SP3: variants seen among roughly 807,000 people sequenced by gnomAD.
SP3 encodes the protein Sp3 transcription factor.
Under a neutral mutation model 70.3 loss-of-function variants are expected in SP3, and 10 were observed. The observed-to-expected ratio is 0.14, with a 90% confidence interval of 0.09 to 0.24. SP3 has a LOEUF of 0.24. SP3 is among the 10% of genes least tolerant of loss of function. The pLI, the probability that SP3 is intolerant of heterozygous loss-of-function variation, is 1.00. For missense variants in SP3, 825 were observed against 914.6 expected, an observed-to-expected ratio of 0.90 and a Z score of 1.26; for synonymous variants, 402 against 333.5, an observed-to-expected ratio of 1.21 and a Z score of -2.24.
intron 4 of SP3, among the ~76,000 whole-genome samples, chr2:173,946,289 A>G (rs1427351777): frequency 2.0e-5 from 3 of 151,878 alleles, no homozygotes; most frequent in Non-Finnish European, 1.5e-5. Flanking sequence ...GAAATTTTTT[A>G]TATTTCTAAG....
intron 4 of SP3, among the ~76,000 whole-genome samples, chr2:173,942,782 C>A (rs1193554770): frequency 2.0e-5 from 3 of 152,180 alleles, no homozygotes; most frequent in Non-Finnish European, 4.4e-5. Context: ...CCTAGCCAAA[C>A]TATCATCTTT....
chr2:173,911,798 A>C (rs960909920), intron 6 of SP3, among the ~76,000 whole-genome samples: 1 of 149,486 alleles, frequency 6.7e-6, no homozygotes, highest in Non-Finnish European at 1.5e-5. Flanking sequence ...CTGCAACGCA[A>C]AATCTTTTAT....
rs1197417708 is a variant in SP3, at chr2:173,909,278, A to G, written c.*663T>C. The G allele has an allele frequency of 6.6e-6, 1 of 152,526 alleles. No individual in the cohort carries two copies. Among genetic ancestry groups the G allele is most frequent in the African/African-American group, 2.4e-5 (1 of 41,456 alleles). 9.4% of individuals were successfully genotyped at this position (152,526 alleles called of 1,614,324 possible). On this transcript the variant is annotated 3_prime_UTR_variant, in exon 7 of 7. Transcript: ENST00000310015. ...ATTGAAAGAATATTAACAAGACATTATTTTGGCAAATTAAATCTTAAACAT... is the reference window on the plus strand; with the variant it reads ...ATTGAAAGAATATTAACAAGACATTGTTTTGGCAAATTAAATCTTAAACAT...
chr2:173,936,498 C>T (rs1165748232), intron 4 of SP3, among the ~76,000 whole-genome samples: 1 of 152,176 alleles, frequency 6.6e-6, no homozygotes, highest in Admixed American at 6.5e-5. Flanking sequence ...CATTCTCTCA[C>T]CATACTTATT....
chr2:173,944,647 T>C (rs1157961479), intron 4 of SP3, among the ~76,000 whole-genome samples: 2 of 152,224 alleles, frequency 1.3e-5, no homozygotes, highest in Admixed American at 1.3e-4. Flanking sequence ...CTGAAAAATA[T>C]ATCAACACTC....
rs764354043 is a variant in SP3, at chr2:173,955,483, T to C, written c.1029A>G (p.Ile343Met). The C allele has an allele frequency of 3.1e-6, 5 of 1,614,056 alleles. No homozygotes were observed. Among genetic ancestry groups the C allele is most frequent in the Non-Finnish European group, 4.2e-6 (5 of 1,180,030 alleles). The change falls in exon 4 of 7, where the codon ATA becomes ATG. Residue 343 changes from isoleucine to methionine, a missense_variant. By Grantham distance (10) the Ile-to-Met change is conservative. Transcript: ENST00000310015. ...TTTGTTGTAATATACCTGTACTATC[T>C]ATCGTAACAGGCAACTGTGATGAAG... ...TSSSSQLPVT[I>M]DSTGILQQNT...
Position 173,955,602 on chromosome 2 carries a change from C to T in SP3, c.910G>A (p.Asp304Asn). 1 of 1,614,066 alleles carries T rather than the reference C, an allele frequency of 6.2e-7. No individual in the cohort carries two copies. Among genetic ancestry groups the T allele is most frequent in the Non-Finnish European group, 8.5e-7 (1 of 1,180,032 alleles). The change falls in exon 4 of 7, where the codon GAT becomes AAT. Residue 304 changes from aspartate (D) to asparagine (N), a missense_variant. Coordinates refer to ENST00000310015, the MANE Select transcript of SP3 (RefSeq NM_003111.5). Reference sequence around the variant, plus strand: ...GTCCTTTCTGAATTGTCTGAACTATCCATAGCTTGTCCTGTGTTTATCAAA... The same window carrying T: ...GTCCTTTCTGAATTGTCTGAACTATTCATAGCTTGTCCTGTGTTTATCAAA... ...GHLINTGQAM[D>N]SSDNSERTGE...
chr2:173,925,413 G>C (rs1281809828), intron 4 of SP3, among the ~76,000 whole-genome samples: 1 of 152,086 alleles, frequency 6.6e-6, no homozygotes. Flanking sequence ...TTGCCAAATG[G>C]GGGAGAGATG....
rs182526366 is a variant in SP3, at chr2:173,934,332, C to T, written c.1640-15547G>A. On this transcript the variant is annotated intron_variant, in intron 4 of 6. Transcript: ENST00000310015. ...ATACCATTTTTTAAATTCATTTTGG[C>T]CATCAAGTACTTTAAATCCTCTTTA... Among the ~76,000 whole-genome samples, 66 of 151,972 alleles carry T rather than the reference C, an allele frequency of 4.3e-4. 1 individual carries two copies. The highest frequency in any genetic ancestry group is 5.9e-5 in the Non-Finnish European group (4 of 67,988).
At chr2:173,939,695 G>T (rs1405866998) in intron 4 of SP3, among the ~76,000 whole-genome samples, 5 of 138,196 alleles carry the variant, frequency 3.6e-5, no homozygotes, top group African/African-American at 1.4e-4. Context: ...AGCCAGAGAG[G>T]CGGAAGTTGT....
intron 5 of SP3, chr2:173,914,263 A>T (rs1689568946): frequency 6.6e-6 from 1 of 152,070 alleles, no homozygotes; most frequent in Admixed American, 6.6e-5. Flanking sequence ...TAAACTTTAC[A>T]ATGTTTCTGA....
chr2:173,905,125 T>C lies in SP3; in HGVS notation c.*4816A>G, dbSNP rs1229458138. On this transcript the variant is annotated 3_prime_UTR_variant, in exon 7 of 7. Coordinates refer to ENST00000310015, the MANE Select transcript of SP3 (RefSeq NM_003111.5). ...CACTTCATCCACTATCACTTTAGGT[T>C]CCAACTGTTCTTTTCACATTTTTGC... Among the ~76,000 whole-genome samples the C allele has an allele frequency of 4.6e-5, 7 of 152,226 alleles. No homozygotes were observed. The highest frequency in any genetic ancestry group is 1.3e-4 in the Admixed American group (2 of 15,288).
intron 4 of SP3, among the ~76,000 whole-genome samples, chr2:173,948,166 G>A (rs1454532876): frequency 1.3e-5 from 2 of 152,084 alleles, no homozygotes; most frequent in Non-Finnish European, 2.9e-5. Context: ...TAATTAAATA[G>A]GATGTAATTC....
At chr2:173,919,703 C>T (rs72911146) in intron 4 of SP3, among the ~76,000 whole-genome samples, 10,750 of 152,086 alleles carry the variant, frequency 0.071, 567 homozygotes, top group African/African-American at 0.14. Flanking sequence ...TAAAACAGAC[C>T]GTACAGACTG....
chr2:173,950,319 T>TA (rs59056112), intron 4 of SP3, among the ~76,000 whole-genome samples: 5,827 of 144,760 alleles, frequency 0.04, 363 homozygotes, highest in African/African-American at 0.13. Context: ...AGCCCTGGTT[T>TA]AAAAAAAAAA....
chr2:173,928,002 C>A (rs1689965992), intron 4 of SP3, among the ~76,000 whole-genome samples: 1 of 152,082 alleles, frequency 6.6e-6, no homozygotes, highest in Non-Finnish European at 1.5e-5. Flanking sequence ...TTTTTTATTT[C>A]TTCTACTTGT....
At chr2:173,924,347 G>A (rs944104543) in intron 4 of SP3, among the ~76,000 whole-genome samples, 8 of 152,206 alleles carry the variant, frequency 5.3e-5, no homozygotes, top group South Asian at 2.1e-4. Flanking sequence ...TCATTTTATA[G>A]TCTTACCACA....
rs183389141 is a variant in SP3, at chr2:173,931,469, G to A, written c.1640-12684C>T. 3.6e-4 allele frequency among the ~76,000 whole-genome samples: 55 copies of A among 152,082 alleles called. 2 individuals carry two copies. The highest frequency in any genetic ancestry group is 8.3e-4 in the South Asian group (4 of 4,808). On this transcript the variant is annotated intron_variant, in intron 4 of 6. Coordinates refer to ENST00000310015, the MANE Select transcript of SP3 (RefSeq NM_003111.5). ...AGCGATTCTTCTGCCTCAGCCTCCC[G>A]AGTAGCTAGGACTACAGGTGTGCGC...
intron 4 of SP3, among the ~76,000 whole-genome samples, chr2:173,953,615 T>G (rs1308814757): frequency 1.3e-5 from 2 of 152,014 alleles, no homozygotes. Context: ...GATGTGGTGG[T>G]GTGCACCTGT....
Sources: allele counts gnomAD v4.1 joint callset (sites outside exome capture counted in the v4.1 genomes callset), GRCh38; gene constraint gnomAD v4.1.1; transcripts MANE v1.5; gene names NCBI Gene and HGNC (gene_info 2026-07-23, HGNC 2026-07-21).